Variants in BTBD9 observed in about 807,000 individuals in gnomAD.
BTBD9 encodes BTB/POZ domain-containing protein 9.
BTBD9 carries 49 observed loss-of-function variants against 64.3 expected under a neutral mutation model. The ratio of observed to expected loss-of-function variants is 0.76; its 90% CI spans 0.61 to 0.97. The LOEUF (loss-of-function observed/expected upper bound fraction) is 0.97. Among genes scored for constraint, BTBD9 ranks in the 50% least tolerant of loss-of-function variants. BTBD9 has a pLI of 0.00. For synonymous variants in BTBD9, 260 were observed against 274.7 expected (o/e 0.95, Z 0.53); for missense variants, 598 against 762.1 (o/e 0.78, Z 2.53).
chr6:38,259,389 C>T (rs1003504139), intron 8 of BTBD9, among the ~76,000 whole-genome samples: 2 of 152,068 alleles, frequency 1.3e-5, no homozygotes, highest in Non-Finnish European at 2.9e-5. Flanking sequence ...TTTCCTTCAC[C>T]GTTACCTTTT....
At chr6:38,254,877 A>C (rs1310619296) in intron 9 of BTBD9, among the ~76,000 whole-genome samples, 1 of 152,218 alleles carries the variant, frequency 6.6e-6, no homozygotes, top group African/African-American at 2.4e-5. Context: ...TTAAACGCAG[A>C]GTTATCCGAT....
chr6:38,450,063 T>C (rs1769452394), intron 6 of BTBD9, among the ~76,000 whole-genome samples: 1 of 152,126 alleles, frequency 6.6e-6, no homozygotes, highest in Non-Finnish European at 1.5e-5. Context: ...GTGATATAGA[T>C]AGATACATAA....
At chr6:38,561,531 G>C (rs932612621) in intron 6 of BTBD9, among the ~76,000 whole-genome samples, 1 of 152,120 alleles carries the variant, frequency 6.6e-6, no homozygotes, top group Non-Finnish European at 1.5e-5. Context: ...ATAGCAAAGA[G>C]ATAGACTCAA....
chr6:38,230,221 G>A (rs774451245), intron 9 of BTBD9, among the ~76,000 whole-genome samples: 7 of 152,138 alleles, frequency 4.6e-5, no homozygotes, highest in Non-Finnish European at 1.0e-4. Context: ...GGAGCTGGGC[G>A]CGGTGGCTCA....
chr6:38,428,932 A>G (rs1317694994), intron 6 of BTBD9, among the ~76,000 whole-genome samples: 3 of 151,132 alleles, frequency 2.0e-5, no homozygotes, highest in African/African-American at 7.3e-5. Flanking sequence ...TATGGTCTTG[A>G]TCTCCTGAAC....
chr6:38,500,590 C>T (rs1359857485), intron 6 of BTBD9, among the ~76,000 whole-genome samples: 4 of 152,226 alleles, frequency 2.6e-5, no homozygotes, highest in African/African-American at 9.6e-5. Flanking sequence ...ACACAATTCT[C>T]TTCCATTAAC....
At chr6:38,523,815 G>C (rs1325350148) in intron 6 of BTBD9, among the ~76,000 whole-genome samples, 1 of 152,098 alleles carries the variant, frequency 6.6e-6, no homozygotes, top group Non-Finnish European at 1.5e-5. Flanking sequence ...TAACAGATGG[G>C]GAAACAGAGG....
chr6:38,226,983 T>C (rs577444375), intron 9 of BTBD9, among the ~76,000 whole-genome samples: 19 of 152,322 alleles, frequency 1.2e-4, no homozygotes, highest in South Asian at 2.1e-4. Context: ...CTGGAAGCAA[T>C]TGACTTTATA....
intron 6 of BTBD9, among the ~76,000 whole-genome samples, chr6:38,371,894 C>T (rs1044265517): frequency 6.6e-6 from 1 of 152,082 alleles, no homozygotes; most frequent in Non-Finnish European, 1.5e-5. Context: ...TTTATGGCCT[C>T]GGTGTCAATT....
chr6:38,478,301 T>C (rs1770985751), intron 6 of BTBD9, among the ~76,000 whole-genome samples: 1 of 152,250 alleles, frequency 6.6e-6, no homozygotes. Flanking sequence ...ATTTTGGTTT[T>C]ATTTTATTGA....
chr6:38,383,653 A>C (rs987593117), intron 6 of BTBD9, among the ~76,000 whole-genome samples: 1 of 152,238 alleles, frequency 6.6e-6, no homozygotes, highest in Non-Finnish European at 1.5e-5. Context: ...AATGACGGTA[A>C]AGAAGACCAA....
intron 6 of BTBD9, among the ~76,000 whole-genome samples, chr6:38,396,897 C>CTTTTTTTTTTTTTTTTTTT (rs146597621): frequency 4.7e-5 from 5 of 107,402 alleles, no homozygotes; most frequent in African/African-American, 7.4e-5. Flanking sequence ...TTTTCTTTTT[C>CTTTTTTTTTTTTTTTTTTT]TTTTTTTTTT....
At chr6:38,576,721 A>C (rs2814894) in intron 6 of BTBD9, among the ~76,000 whole-genome samples, 1 of 151,886 alleles carries the variant, frequency 6.6e-6, no homozygotes, top group East Asian at 1.9e-4. Context: ...CTTCCTGAGC[A>C]AACAAACTAA....
intron 7 of BTBD9, among the ~76,000 whole-genome samples, chr6:38,329,593 G>C (rs1259228284): frequency 6.6e-6 from 1 of 152,064 alleles, no homozygotes; most frequent in African/African-American, 2.4e-5. Flanking sequence ...AAAGTGCTGG[G>C]ATTACAGGGC....
At chr6:38,270,299 C>T (rs1046608625) in intron 8 of BTBD9, among the ~76,000 whole-genome samples, 6 of 152,162 alleles carry the variant, frequency 3.9e-5, no homozygotes, top group African/African-American at 1.4e-4. Flanking sequence ...GTCCTCGTGC[C>T]ATGCAGCCAT....
At chr6:38,451,729 CCT>C (rs1366280025) in intron 6 of BTBD9, among the ~76,000 whole-genome samples, 1 of 152,132 alleles carries the variant, frequency 6.6e-6, no homozygotes, top group African/African-American at 2.4e-5. Flanking sequence ...GTTCCATCCA[CCT>C]CTCTTTTTCA....
intron 6 of BTBD9, among the ~76,000 whole-genome samples, chr6:38,414,523 C>T (rs1406420481): frequency 6.6e-6 from 1 of 152,158 alleles, no homozygotes; most frequent in Non-Finnish European, 1.5e-5. Context: ...CCTCTGGCTA[C>T]TGCCCTTTCT....
intron 8 of BTBD9, among the ~76,000 whole-genome samples, chr6:38,266,614 GAAAGAAAGAAAGAAAGAAAGAAAGAAA>G (rs1355652900): frequency 8.1e-4 from 8 of 9,854 alleles, no homozygotes; most frequent in South Asian, 5.7e-3. Context: ...AGGAAAGAAA[GAAAGAAAGAAAGAAAGAAAGAAAGAAA>G]GAAAGAAAGA....
intron 6 of BTBD9, among the ~76,000 whole-genome samples, chr6:38,491,715 A>G (rs1197181453): frequency 6.6e-6 from 1 of 152,150 alleles, no homozygotes; most frequent in Non-Finnish European, 1.5e-5. Flanking sequence ...CTCATTCTCA[A>G]ATGAGAAGAA....
Sources: gnomAD v4.1 joint callset for allele counts (sites outside exome capture counted in the v4.1 genomes callset) on GRCh38, gnomAD v4.1.1 for gene constraint, MANE v1.5 for transcripts, NCBI Gene and HGNC (gene_info 2026-07-23, HGNC 2026-07-21) for gene names.